Variants in CSGALNACT1 observed in about 807,000 individuals in gnomAD.
The protein encoded by CSGALNACT1 is beta4GalNAcT-1.
In CSGALNACT1, 52 loss-of-function variants were observed where a neutral mutation model predicts 51.0. That is an observed-to-expected ratio of 1.02 (90% CI 0.82 to 1.29). The LOEUF (loss-of-function observed/expected upper bound fraction) is 1.29. CSGALNACT1 is among the 50% of genes most tolerant of loss of function. The pLI is 0.00. For missense variants in CSGALNACT1, 935 were observed against 679.2 expected, an observed-to-expected ratio of 1.38 and a Z score of -4.19; for synonymous variants, 341 against 254.4, an observed-to-expected ratio of 1.34 and a Z score of -3.24.
intron 3 of CSGALNACT1, among the ~76,000 whole-genome samples, chr8:19,520,895 A>G (rs1342149354): frequency 6.6e-6 from 1 of 152,210 alleles, no homozygotes; most frequent in Non-Finnish European, 1.5e-5. Context: ...CGGGGTCTCT[A>G]GTCCGGTGTT....
chr8:19,571,489 A>AC (rs1285357381), intron 3 of CSGALNACT1, among the ~76,000 whole-genome samples: 8 of 151,930 alleles, frequency 5.3e-5, no homozygotes, highest in African/African-American at 1.7e-4. Flanking sequence ...AAAAAAACAG[A>AC]ACCAGGGAAA....
intron 4 of CSGALNACT1, among the ~76,000 whole-genome samples, chr8:19,475,838 C>G (rs1221071022): frequency 6.6e-6 from 1 of 152,182 alleles, no homozygotes; most frequent in Non-Finnish European, 1.5e-5. Context: ...CTTACAGAGA[C>G]AGCCTGGCAC....
At chr8:19,467,365 C>T (rs1292691232) in intron 4 of CSGALNACT1, among the ~76,000 whole-genome samples, 1 of 152,082 alleles carries the variant, frequency 6.6e-6, no homozygotes, top group East Asian at 1.9e-4. Context: ...TCATGATCCA[C>T]CTACCTCGGC....
intron 1 of CSGALNACT1, among the ~76,000 whole-genome samples, chr8:19,664,220 G>C (rs1414336819): frequency 1.3e-5 from 2 of 152,132 alleles, no homozygotes; most frequent in East Asian, 3.8e-4. Context: ...ATGGAATTGA[G>C]ACATTACTAG....
At chr8:19,584,170 G>A (rs1034951408) in intron 3 of CSGALNACT1, among the ~76,000 whole-genome samples, 2 of 152,196 alleles carry the variant, frequency 1.3e-5, no homozygotes, top group Admixed American at 6.5e-5. Context: ...TACCTCTGCT[G>A]TTTTTTCATC....
At chr8:19,655,337 G>A (rs1182664159) in intron 1 of CSGALNACT1, among the ~76,000 whole-genome samples, 2 of 151,972 alleles carry the variant, frequency 1.3e-5, no homozygotes, top group Non-Finnish European at 1.5e-5. Flanking sequence ...ATACAGTCAC[G>A]ATGCACCTTC....
In CSGALNACT1 at chr8:19,412,575, G is replaced by A. The variant is rs535396758; in HGVS notation, c.1228-3881C>T. On this transcript the variant is annotated intron_variant, in intron 8 of 9. Coordinates refer to ENST00000454498, the Ensembl canonical transcript of CSGALNACT1. ...AGTCTCTCCTCAGCACTGAGGCTGCGTCTGGTCTACCTTGCATTCACAGCA... is the reference window on the plus strand; with the variant it reads ...AGTCTCTCCTCAGCACTGAGGCTGCATCTGGTCTACCTTGCATTCACAGCA... Among the ~76,000 whole-genome samples the A allele has an allele frequency of 5.9e-5, 9 of 152,334 alleles. 1 individual carries two copies. The highest frequency in any genetic ancestry group is 7.3e-5 in the Non-Finnish European group (5 of 68,030).
intron 1 of CSGALNACT1, among the ~76,000 whole-genome samples, chr8:19,658,326 T>C (rs1278046091): frequency 6.6e-6 from 1 of 152,186 alleles, no homozygotes; most frequent in Non-Finnish European, 1.5e-5. Flanking sequence ...ATACATCTGT[T>C]ATGGTATTTT....
At chr8:19,604,807 C>A (rs574044120), upstream of CSGALNACT1, among the ~76,000 whole-genome samples, 3 of 149,128 alleles carry the variant, frequency 2.0e-5, no homozygotes, top group South Asian at 4.2e-4. Context: ...CTCAGCTACT[C>A]AGGAGGTTGA....
chr8:19,422,566 ATCTTGAG>A (rs2058114008), intron 6 of CSGALNACT1, among the ~76,000 whole-genome samples: 1 of 152,202 alleles, frequency 6.6e-6, no homozygotes, highest in Non-Finnish European at 1.5e-5. Flanking sequence ...TCAGAACTTT[ATCTTGAG>A]TCTTTTCTCT....
At chr8:19,632,337 T>C (rs548090413) in intron 1 of CSGALNACT1, among the ~76,000 whole-genome samples, 6 of 152,244 alleles carry the variant, frequency 3.9e-5, no homozygotes, top group African/African-American at 9.6e-5. Context: ...TCAAACCATG[T>C]AAAAACAAGC....
rs560141469 is a variant in CSGALNACT1, at chr8:19,505,544, C to A, written c.291G>T (p.Gln97His). The A allele has an allele frequency of 1.2e-5, 20 of 1,613,932 alleles. No individual in the cohort carries two copies. The East Asian group carries it at 4.5e-4, about 36-fold the overall frequency. Reference sequence around the variant, plus strand: ...GGCCAGCAGCATCGCTGGCTTGGTACTGCCCATTCCTGAGCTGCTCACTCC... The same window carrying A: ...GGCCAGCAGCATCGCTGGCTTGGTAATGCCCATTCCTGAGCTGCTCACTCC... The change falls in exon 4 of 10, where the codon CAG becomes CAT. Residue 97 changes from glutamine to histidine, a missense_variant. Transcript: ENST00000454498.
chr8:19,663,260 GC>G (rs1249931034), intron 1 of CSGALNACT1, among the ~76,000 whole-genome samples: 4 of 152,076 alleles, frequency 2.6e-5, no homozygotes, highest in Non-Finnish European at 5.9e-5. Context: ...CTAGGGTCAG[GC>G]TTGTACTTAA....
chr8:19,427,094 C>T (rs1415222179), intron 6 of CSGALNACT1, among the ~76,000 whole-genome samples: 2 of 152,128 alleles, frequency 1.3e-5, no homozygotes, highest in Non-Finnish European at 2.9e-5. Flanking sequence ...TCATAGTAGG[C>T]ACTTTAAATA....
upstream of CSGALNACT1, among the ~76,000 whole-genome samples, chr8:19,686,701 T>C (rs1371365986): frequency 6.6e-6 from 1 of 152,186 alleles, no homozygotes; most frequent in Admixed American, 6.5e-5. Context: ...TGTGCCTAGA[T>C]AGGATAAAAT....
At chr8:19,481,744 G>A (rs1206706038) in intron 4 of CSGALNACT1, among the ~76,000 whole-genome samples, 1 of 152,084 alleles carries the variant, frequency 6.6e-6, no homozygotes, top group Non-Finnish European at 1.5e-5. Context: ...AGCTCATGTT[G>A]CTGTGATTAT....
intron 1 of CSGALNACT1, among the ~76,000 whole-genome samples, chr8:19,736,911 C>G (rs922153944): frequency 1.5e-5 from 2 of 133,500 alleles, no homozygotes; most frequent in African/African-American, 5.5e-5. Flanking sequence ...AGGAATCTCA[C>G]AAAACTCTGA....
At chr8:19,701,059 T>C (rs1233118567) in intron 1 of CSGALNACT1, among the ~76,000 whole-genome samples, 2 of 151,626 alleles carry the variant, frequency 1.3e-5, no homozygotes, top group East Asian at 1.9e-4. Context: ...TTCCCTCTTA[T>C]GCCATCAAGA....
chr8:19,517,608 T>G (rs1335412042), intron 3 of CSGALNACT1, among the ~76,000 whole-genome samples: 1 of 152,144 alleles, frequency 6.6e-6, no homozygotes, highest in Non-Finnish European at 1.5e-5. Flanking sequence ...GGACTCACAG[T>G]TCCACATGGC....
Sources: allele counts gnomAD v4.1 joint callset (sites outside exome capture counted in the v4.1 genomes callset), GRCh38; gene constraint gnomAD v4.1.1; transcripts MANE v1.5; gene names NCBI Gene and HGNC (gene_info 2026-07-23, HGNC 2026-07-21).